Variants in TPD52 observed in about 807,000 individuals in gnomAD.
TPD52 encodes the protein tumor protein D52.
Under a neutral mutation model 31.3 loss-of-function variants are expected in TPD52, and 17 were observed. The ratio of observed to expected loss-of-function variants is 0.54; its 90% CI spans 0.37 to 0.82. The LOEUF (loss-of-function observed/expected upper bound fraction) is 0.82. Among genes scored for constraint, TPD52 ranks in the 40% least tolerant of loss-of-function variants. The pLI is 0.00. For synonymous variants in TPD52, 83 were observed against 89.6 expected (o/e 0.93, Z 0.42); for missense variants, 212 against 240.1 (o/e 0.88, Z 0.77).
At chr8:80,061,913 A>G (rs2130657978) in intron 2 of TPD52, among the ~76,000 whole-genome samples, 1 of 152,318 alleles carries the variant, frequency 6.6e-6, no homozygotes, top group Middle Eastern at 3.4e-3. Flanking sequence ...TACATTGCTA[A>G]AGTAAAATAA....
intron 3 of TPD52, 117 bp downstream of exon 3, chr8:80,053,165 T>C: frequency 1.7e-6 from 2 of 1,169,662 alleles, no homozygotes; most frequent in Middle Eastern, 2.1e-4. Flanking sequence ...GGGTGCCGTG[T>C]CGTCCAAAGA....
intron 1 of TPD52, among the ~76,000 whole-genome samples, chr8:80,168,006 T>C (rs1811830577): frequency 6.6e-6 from 1 of 152,200 alleles, no homozygotes; most frequent in African/African-American, 2.4e-5. Flanking sequence ...GCAACACTGC[T>C]CTATCAAAGT....
At chr8:80,106,840 A>C (rs113410736) in intron 1 of TPD52, among the ~76,000 whole-genome samples, 3,598 of 145,370 alleles carry the variant, frequency 0.025, 52 homozygotes, top group African/African-American at 0.037. Context: ...AAAAAACCCC[A>C]AAAAAACATA....
intron 1 of TPD52, among the ~76,000 whole-genome samples, chr8:80,100,089 C>A (rs758177137): frequency 1.2e-4 from 19 of 152,140 alleles, no homozygotes; most frequent in Admixed American, 5.2e-4. Context: ...TCAAAACACG[C>A]AATTTTAAAT....
chr8:80,152,294 A>G (rs1202347745), intron 1 of TPD52, among the ~76,000 whole-genome samples: 1 of 152,210 alleles, frequency 6.6e-6, no homozygotes, highest in Admixed American at 6.5e-5. Context: ...AAGCCAGGCC[A>G]ACCCTTGATA....
At chr8:80,127,841 GAT>G (rs1808738257) in intron 1 of TPD52, among the ~76,000 whole-genome samples, 1 of 124,822 alleles carries the variant, frequency 8.0e-6, no homozygotes. Context: ...CACACACAGA[GAT>G]ACATAATAAA....
chr8:80,054,683 C>T (rs767719722), intron 2 of TPD52, among the ~76,000 whole-genome samples: 2 of 143,970 alleles, frequency 1.4e-5, no homozygotes, highest in Admixed American at 7.0e-5. Context: ...TTAGAGAACA[C>T]AAAACAAAGA....
intron 1 of TPD52, chr8:80,080,236 A>C (rs982316084): frequency 2.6e-5 from 35 of 1,361,960 alleles, no homozygotes; most frequent in Middle Eastern, 3.7e-4. Context: ...TTACACTAAC[A>C]ATTTTAAAGC....
At chr8:80,106,242 CA>C (rs1807098788) in intron 1 of TPD52, among the ~76,000 whole-genome samples, 1 of 152,024 alleles carries the variant, frequency 6.6e-6, no homozygotes, top group African/African-American at 2.4e-5. Context: ...CTTTGTATAA[CA>C]CAAAGGACAA....
At chr8:80,159,128 A>G (rs1343090629) in intron 1 of TPD52, among the ~76,000 whole-genome samples, 1 of 152,192 alleles carries the variant, frequency 6.6e-6, no homozygotes, top group Non-Finnish European at 1.5e-5. Flanking sequence ...TCTAATATTC[A>G]GTTTCAAAAA....
chr8:80,088,061 C>T (rs1234956235), intron 1 of TPD52, among the ~76,000 whole-genome samples: 4 of 152,220 alleles, frequency 2.6e-5, no homozygotes, highest in African/African-American at 9.6e-5. Context: ...TTCCTGTAAA[C>T]CTGTCTTTGG....
intron 1 of TPD52, among the ~76,000 whole-genome samples, chr8:80,131,784 ATC>A (rs1809035447): frequency 6.6e-6 from 1 of 152,208 alleles, no homozygotes; most frequent in African/African-American, 2.4e-5. Flanking sequence ...CGTGGCAGCC[ATC>A]TATACTGAAT....
At chr8:80,032,013 C>T (rs1156904298), downstream of TPD52, among the ~76,000 whole-genome samples, 1 of 151,810 alleles carries the variant, frequency 6.6e-6, no homozygotes, top group Non-Finnish European at 1.5e-5. Context: ...ATTAGCTGGG[C>T]GTGATGACAC....
chr8:80,145,630 G>C (rs1411465635), intron 1 of TPD52, among the ~76,000 whole-genome samples: 1 of 152,158 alleles, frequency 6.6e-6, no homozygotes, highest in Non-Finnish European at 1.5e-5. Context: ...GTTACTATTA[G>C]ACAGGAACAT....
chr8:80,156,521 G>C (rs77978681), intron 1 of TPD52, among the ~76,000 whole-genome samples: 2,793 of 152,236 alleles, frequency 0.018, 89 homozygotes, highest in African/African-American at 0.063. Context: ...AGTCTTTGTG[G>C]GATGTTGATG....
intron 1 of TPD52, among the ~76,000 whole-genome samples, chr8:80,167,198 C>A (rs1211727231): frequency 2.0e-5 from 3 of 152,110 alleles, no homozygotes; most frequent in African/African-American, 7.2e-5. Flanking sequence ...CTGGTACCCA[C>A]TAGTTTAAAT....
intron 1 of TPD52, among the ~76,000 whole-genome samples, chr8:80,093,109 C>T (rs1175803204): frequency 1.3e-5 from 2 of 152,094 alleles, no homozygotes; most frequent in South Asian, 4.2e-4. Flanking sequence ...AGGACAAAAC[C>T]GGCTGTGTCA....
intron 1 of TPD52, among the ~76,000 whole-genome samples, chr8:80,079,857 G>GT (rs1815036610): frequency 6.6e-6 from 1 of 151,980 alleles, no homozygotes; most frequent in East Asian, 1.9e-4. Flanking sequence ...AGCAATTTCT[G>GT]TAAGTTGCTC....
intron 1 of TPD52, among the ~76,000 whole-genome samples, chr8:80,128,479 G>A (rs533616644): frequency 9.2e-6 from 1 of 108,442 alleles, no homozygotes; most frequent in Non-Finnish European, 1.7e-5. Context: ...GCAACACAAG[G>A]AGACCCTGTC....
Sources: gnomAD v4.1 joint callset for allele counts (sites outside exome capture counted in the v4.1 genomes callset) on GRCh38, gnomAD v4.1.1 for gene constraint, MANE v1.5 for transcripts, NCBI Gene and HGNC (gene_info 2026-07-23, HGNC 2026-07-21) for gene names.